Variants in U2SURP observed in about 807,000 individuals in gnomAD.
U2SURP encodes U2 snRNP-associated SURP motif-containing protein.
Under a neutral mutation model 144.9 loss-of-function variants are expected in U2SURP, and 9 were observed. The observed-to-expected ratio is 0.06, with a 90% CI of 0.04 to 0.11. The LOEUF is 0.11. Ranked by LOEUF, U2SURP falls within the 10% of genes least tolerant of loss-of-function variation. The probability of loss-of-function intolerance (pLI) is 1.00; values close to 1 mark genes in which losing one functional copy is unlikely to be tolerated. For synonymous variants in U2SURP, 408 were observed against 396.8 expected (o/e 1.03, Z -0.33); for missense variants, 724 against 1,226.7 (o/e 0.59, Z 6.12).
chr3:143,015,017 T>G (rs1203960638), intron 4 of U2SURP, among the ~76,000 whole-genome samples: 9 of 152,082 alleles, frequency 5.9e-5, no homozygotes, highest in African/African-American at 2.2e-4. Context: ...GGTTGAGTGA[T>G]AAATGCATAA....
Position 143,032,792 on chromosome 3 carries a change from A to T in U2SURP, c.1619A>T (p.Asp540Val). ...AAACAATTTATGTTCAGACAGAGGG[A>T]TAAATTGGAAGAAATCTTGCGGGGA... Reference protein sequence around the residue: ...KKGALKEEQRDKLEEILRGLT... With the variant: ...KKGALKEEQRVKLEEILRGLT... Residue 540 changes from aspartate to valine, a missense_variant, in exon 17 of 28, where the codon GAT (aspartate) becomes GTT (valine). Transcript: ENST00000473835. 1 of 1,612,320 alleles carries T rather than the reference A, an allele frequency of 6.2e-7. No homozygotes were observed. The highest frequency in any genetic ancestry group is 1.7e-5 in the Admixed American group (1 of 59,850).
chr3:143,042,891 A>G (rs1218238036), intron 23 of U2SURP, among the ~76,000 whole-genome samples: 1 of 152,206 alleles, frequency 6.6e-6, no homozygotes, highest in South Asian at 2.1e-4. Flanking sequence ...CAGTATGCTT[A>G]TGTTGAAGCT....
chr3:143,030,562 G>C (rs1230117962), intron 16 of U2SURP, among the ~76,000 whole-genome samples: 1 of 152,296 alleles, frequency 6.6e-6, no homozygotes, highest in Admixed American at 6.5e-5. Context: ...AGATTAAGTT[G>C]TTTTCATGCC....
In U2SURP at chr3:143,060,665, T is replaced by C. The variant is rs1935332674; in HGVS notation, c.*4215T>C. On this transcript the variant is annotated 3_prime_UTR_variant, in exon 28 of 28. Coordinates refer to ENST00000473835, the MANE Select transcript of U2SURP (RefSeq NM_001080415.2). ...AGTGATGTGACATGTTTATCAGTTA[T>C]GGCTAAAATGTTACACTTTACATGT... 1 of 152,050 alleles carries C rather than the reference T, an allele frequency of 6.6e-6. No homozygotes were observed. Among genetic ancestry groups the C allele is most frequent in the South Asian group, 2.1e-4 (1 of 4,826 alleles). 9.4% of individuals were successfully genotyped at this position (152,050 alleles called of 1,614,324 possible).
At chr3:143,045,249 G>T (rs1215840239) in intron 24 of U2SURP, among the ~76,000 whole-genome samples, 1 of 151,874 alleles carries the variant, frequency 6.6e-6, no homozygotes, top group Non-Finnish European at 1.5e-5. Context: ...GGCACCTGTA[G>T]TCCCCGCTAC....
intron 25 of U2SURP, 149 bp downstream of exon 25, chr3:143,051,198 GATATTTTAAAAGTAT>G: frequency 3.8e-6 from 2 of 529,694 alleles, no homozygotes; most frequent in Admixed American, 3.6e-5. Context: ...TTTGAAATTT[GATATTTTAAAAGTAT>G]TTTGATTGGA....
chr3:143,010,025 T>C (rs1055571065), intron 1 of U2SURP, among the ~76,000 whole-genome samples: 1 of 152,224 alleles, frequency 6.6e-6, no homozygotes, highest in Non-Finnish European at 1.5e-5. Flanking sequence ...GTGACAGTTA[T>C]ATTTTGGATC....
chr3:143,037,351 A>G lies in U2SURP; in HGVS notation c.2221+16A>G, dbSNP rs1433740086. ...GGAGTGCCTTGTAAGTTCAGATTTCAAACTGATTAAATCTAGCTAATACAT... is the reference window on the plus strand; with the variant it reads ...GGAGTGCCTTGTAAGTTCAGATTTCGAACTGATTAAATCTAGCTAATACAT... On this transcript the variant is annotated intron_variant, in intron 21 of 27. Coordinates refer to ENST00000473835, the MANE Select transcript of U2SURP (RefSeq NM_001080415.2). 2 of 1,607,130 alleles carry G rather than the reference A, an allele frequency of 1.2e-6. No individual in the cohort carries two copies. Among genetic ancestry groups the G allele is most frequent in the African/African-American group, 1.3e-5 (1 of 74,838 alleles).
intron 16 of U2SURP, among the ~76,000 whole-genome samples, chr3:143,031,618 G>A (rs138090340): frequency 2.0e-5 from 3 of 152,242 alleles, no homozygotes; most frequent in African/African-American, 4.8e-5. Context: ...TACTGCTATT[G>A]CATACTTAAT....
rs902255279 is a variant in U2SURP, at chr3:143,035,268, A to T, written c.1941+293A>T. ...CACTTGTTTTGTAATGGTATATACT[A>T]TTTGGCTGGATTAAAGACATACATT... On this transcript the variant is annotated intron_variant, in intron 19 of 27. Coordinates refer to ENST00000473835, the MANE Select transcript of U2SURP (RefSeq NM_001080415.2). Among the ~76,000 whole-genome samples the T allele has an allele frequency of 2.0e-5, 3 of 152,296 alleles. No homozygotes were observed. The South Asian group carries it at 6.2e-4, about 32-fold the overall frequency.
At chr3:143,025,328 AGT>A (rs1441014200) in intron 13 of U2SURP, among the ~76,000 whole-genome samples, 1 of 152,170 alleles carries the variant, frequency 6.6e-6, no homozygotes, top group African/African-American at 2.4e-5. Flanking sequence ...CAAAATTTTG[AGT>A]GTGCGTTTTG....
intron 8 of U2SURP, 31 bp from the exon 9 acceptor site, chr3:143,021,319 C>A: frequency 6.4e-7 from 1 of 1,567,828 alleles, no homozygotes; most frequent in Non-Finnish European, 8.7e-7. Context: ...ATTATAAAAA[C>A]TAATAATTGT....
At chr3:143,043,491 A>G (rs913826899) in intron 24 of U2SURP, among the ~76,000 whole-genome samples, 4 of 151,678 alleles carry the variant, frequency 2.6e-5, no homozygotes, top group African/African-American at 2.4e-5. Flanking sequence ...GCTTCTTCCT[A>G]TTTATTTCTG....
chr3:143,043,325 T>C lies in U2SURP; in HGVS notation c.2544+49T>C, dbSNP rs781179817. The C allele has an allele frequency of 6.5e-6, 10 of 1,532,350 alleles. No homozygotes were observed. In the African/African-American group the frequency reaches 1.4e-4, roughly 21 times the overall value. The allele number at this position is 1,532,350 out of a possible 1,614,324, so 94.9% of individuals were successfully genotyped here. On this transcript the variant is annotated intron_variant, in intron 24 of 27. Transcript: ENST00000473835. ...ATTACACTTTATTGGCTTTTCACTTTCTCCACCAAACTAAGTTGCCTCTTT... is the reference window on the plus strand; with the variant it reads ...ATTACACTTTATTGGCTTTTCACTTCCTCCACCAAACTAAGTTGCCTCTTT...
chr3:143,055,605 TTTTA>T (rs1220928268), intron 27 of U2SURP, among the ~76,000 whole-genome samples: 1 of 152,202 alleles, frequency 6.6e-6, no homozygotes, highest in Non-Finnish European at 1.5e-5. Context: ...TTCAGAAATG[TTTTA>T]TTTATCTGGT....
chr3:143,046,278 T>A lies in U2SURP; in HGVS notation c.2544+3002T>A, dbSNP rs551820054. Reference sequence around the variant, plus strand: ...CCAGAAGCCAGTTCTTTTTTTTTTTTTTTTTTAGTTTATTTTTTATTTTTT... The same window carrying A: ...CCAGAAGCCAGTTCTTTTTTTTTTTATTTTTTAGTTTATTTTTTATTTTTT... On this transcript the variant is annotated intron_variant, in intron 24 of 27. Transcript: ENST00000473835. 2.2e-5 allele frequency among the ~76,000 whole-genome samples: 3 copies of A among 138,950 alleles called. No individual in the cohort carries two copies. In the East Asian group the frequency reaches 6.1e-4, roughly 28 times the overall value. The allele number at this position is 138,950 out of a possible 152,430, so 91.2% of individuals were successfully genotyped here. A position where few individuals can be genotyped will look rare whatever the true frequency, so the allele number is the denominator to read the frequency against.
rs761426654 is a variant in U2SURP at position 143,001,638 on chromosome 3, A to G, written c.10A>G (p.Lys4Glu). Residue 4 changes from lysine (K) to glutamate (E), a missense_variant, in exon 1 of 28, where the codon AAA (lysine) becomes GAA (glutamate). Physicochemically the swap from Lys to Glu is moderately conservative, Grantham distance 56. Transcript: ENST00000473835. MADKTPGGSQKASS... is the reference protein window; with the variant it reads MADETPGGSQKASS... ...AGGGGCAAAGCTCAAGATGGCGGAC[A>G]AAACGCCAGGCGGATCTCAGAAGGC... 3 of 1,613,914 alleles carry G rather than the reference A, an allele frequency of 1.9e-6. No homozygotes were observed. The highest frequency in any genetic ancestry group is 3.3e-5 in the Admixed American group (2 of 60,006).
intron 23 of U2SURP, among the ~76,000 whole-genome samples, chr3:143,042,333 G>A (rs1169674306): frequency 6.6e-6 from 1 of 152,074 alleles, no homozygotes; most frequent in Non-Finnish European, 1.5e-5. Context: ...GTCTTTACCA[G>A]CTGTATTGGT....
At chr3:143,026,979 T>A in intron 13 of U2SURP, 170 bp from the exon 14 acceptor site, 2 of 543,648 alleles carry the variant, frequency 3.7e-6, no homozygotes, top group Middle Eastern at 4.6e-4. Flanking sequence ...CCCCACACCC[T>A]CTTAATGCAC....
Sources: gnomAD v4.1 joint callset for allele counts (sites outside exome capture counted in the v4.1 genomes callset) on GRCh38, gnomAD v4.1.1 for gene constraint, MANE v1.5 for transcripts, NCBI Gene and HGNC (gene_info 2026-07-23, HGNC 2026-07-21) for gene names.